SLC7A6: variants seen among roughly 807,000 people sequenced by gnomAD.
The protein encoded by SLC7A6 is solute carrier family 7 member 6.
A neutral mutation model predicts 46.6 loss-of-function variants in SLC7A6; 29 were observed. That is an observed-to-expected ratio of 0.62 (90% CI 0.46 to 0.85). The LOEUF is 0.85. Ranked by LOEUF, SLC7A6 falls within the 40% of genes least tolerant of loss-of-function variation. The pLI, the probability that SLC7A6 is intolerant of heterozygous loss-of-function variation, is 0.00. For missense variants in SLC7A6, 527 were observed against 647.6 expected, an observed-to-expected ratio of 0.81 and a Z score of 2.02; for synonymous variants, 276 against 257.3, an observed-to-expected ratio of 1.07 and a Z score of -0.70.
At chr16:68,268,772 G>A (rs779794723) in intron 2 of SLC7A6, among the ~76,000 whole-genome samples, 6 of 152,272 alleles carry the variant, frequency 3.9e-5, no homozygotes, top group East Asian at 1.9e-4. Context: ...TTGGGAAGCC[G>A]AGGCAGGCGG....
chr16:68,267,755 G>T (rs1272528896), intron 2 of SLC7A6, among the ~76,000 whole-genome samples: 1 of 152,174 alleles, frequency 6.6e-6, no homozygotes, highest in Non-Finnish European at 1.5e-5. Flanking sequence ...CTTCAGGATG[G>T]GGGCTGGTCA....
intron 2 of SLC7A6, among the ~76,000 whole-genome samples, chr16:68,274,386 T>A (rs1269968347): frequency 6.6e-6 from 1 of 152,226 alleles, no homozygotes; most frequent in Non-Finnish European, 1.5e-5. Context: ...AATCTATAAC[T>A]CAAGGAGAAT....
chr16:68,286,529 T>C (rs1567590300), intron 3 of SLC7A6, among the ~76,000 whole-genome samples: 1 of 151,974 alleles, frequency 6.6e-6, no homozygotes, highest in East Asian at 1.9e-4. Flanking sequence ...CCAAAAGATT[T>C]TGTAGTAAGA....
chr16:68,297,453 C>A lies in SLC7A6; in HGVS notation c.*125C>A, dbSNP rs1360233007. 4 of 730,114 alleles carry A rather than the reference C, an allele frequency of 5.5e-6. No individual in the cohort carries two copies. Among genetic ancestry groups the A allele is most frequent in the Non-Finnish European group, 8.9e-6 (4 of 446,988 alleles). 45.2% of individuals were successfully genotyped at this position (730,114 alleles called of 1,614,324 possible). A position where few individuals can be genotyped will look rare whatever the true frequency, so the allele number is the denominator to read the frequency against. On this transcript the variant is annotated 3_prime_UTR_variant, in exon 11 of 11. Coordinates refer to ENST00000219343, the MANE Select transcript of SLC7A6 (RefSeq NM_003983.6). ...TTTGACCCAATCATATAGTGGGGCT[C>A]AGGGCCAGTGCTCACTCTTATTGGT... is the stretch of plus-strand genomic sequence containing the variant.
chr16:68,300,930 AC>A lies in SLC7A6; in HGVS notation c.*3604del, dbSNP rs1468866060. On this transcript the variant is annotated 3_prime_UTR_variant, in exon 11 of 11. Coordinates refer to ENST00000219343, the MANE Select transcript of SLC7A6 (RefSeq NM_003983.6). ...GAAGCTTACTGCTAATGAAATGGGA[AC>A]CTCCCCCTCCCTTGTGGTTTCAGCA... is the stretch of plus-strand genomic sequence containing the variant. The A allele has an allele frequency of 2.0e-6, 2 of 999,968 alleles. No individual in the cohort carries two copies. The highest frequency in any genetic ancestry group is 3.5e-5 in the African/African-American group (2 of 57,722). The allele number at this position is 999,968 out of a possible 1,614,324, so 61.9% of individuals were successfully genotyped here. A position where few individuals can be genotyped will look rare whatever the true frequency, so the allele number is the denominator to read the frequency against.
chr16:68,277,316 T>TTTTATTTATTTATTTATTTATTTATTTA (rs71145991), intron 3 of SLC7A6, among the ~76,000 whole-genome samples: 30 of 135,956 alleles, frequency 2.2e-4, no homozygotes, highest in Admixed American at 7.4e-4. Context: ...AGAAGAGTAC[T>TTTTATTTATTTATTTATTTATTTATTTA]TTTATTTATT....
chr16:68,301,086 A>T lies in SLC7A6; in HGVS notation c.*3758A>T. On this transcript the variant is annotated 3_prime_UTR_variant, in exon 11 of 11. Coordinates refer to ENST00000219343, the MANE Select transcript of SLC7A6 (RefSeq NM_003983.6). ...GATTGAGGCAAAGGGGTCCTACTGT[A>T]AGTGGAAAAGACTCACTCCCCTAAC... 1 of 1,294,110 alleles carries T rather than the reference A, an allele frequency of 7.7e-7. No individual in the cohort carries two copies. The highest frequency in any genetic ancestry group is 9.8e-7 in the Non-Finnish European group (1 of 1,019,436). The allele number at this position is 1,294,110 out of a possible 1,614,324, so 80.2% of individuals were successfully genotyped here. A position where few individuals can be genotyped will look rare whatever the true frequency, so the allele number is the denominator to read the frequency against.
intron 8 of SLC7A6, among the ~76,000 whole-genome samples, chr16:68,295,729 C>T (rs1219954777): frequency 6.6e-6 from 1 of 152,208 alleles, no homozygotes; most frequent in Non-Finnish European, 1.5e-5. Context: ...AGGCCCTAAT[C>T]CTTGCCTTCT....
chr16:68,294,551 T>G, intron 7 of SLC7A6, 154 bp from the exon 8 acceptor site: 12 of 606,972 alleles, frequency 2.0e-5, no homozygotes, highest in South Asian at 4.0e-5. Context: ...AGCAGGGAGG[T>G]TGGACTGGTG....
rs1468936615 is a variant in SLC7A6 at position 68,299,034 on chromosome 16, G to A, written c.*1706G>A. 1 of 152,666 alleles carries A rather than the reference G, an allele frequency of 6.6e-6. No homozygotes were observed. The highest frequency in any genetic ancestry group is 6.5e-5 in the Admixed American group (1 of 15,280). The allele number at this position is 152,666 out of a possible 1,614,324, so 9.5% of individuals were successfully genotyped here. A position where few individuals can be genotyped will look rare whatever the true frequency, so the allele number is the denominator to read the frequency against. On this transcript the variant is annotated 3_prime_UTR_variant, in exon 11 of 11. Coordinates refer to ENST00000219343, the MANE Select transcript of SLC7A6 (RefSeq NM_003983.6). ...CATGGTCATAGTTGCCCTGGGTTCA[G>A]AGCATAATGCATATGTGAAGCATGG...
At chr16:68,291,779 G>A in intron 7 of SLC7A6, 118 bp downstream of exon 7, 1 of 706,458 alleles carries the variant, frequency 1.4e-6, no homozygotes, top group Non-Finnish European at 2.4e-6. Flanking sequence ...GTGTGTGTGT[G>A]TGTGTGTGTG....
chr16:68,300,614 C>A lies in SLC7A6; in HGVS notation c.*3286C>A. On this transcript the variant is annotated 3_prime_UTR_variant, in exon 11 of 11. Transcript: ENST00000219343. The stretch of plus-strand genomic sequence containing the variant: ...TAAAAGGTTTTCAAAGAATTACTTT[C>A]TTCCATGTTCAAAGCTAGATTTTAC... 1.0e-6 allele frequency: 1 copy of A among 985,158 alleles called. No homozygotes were observed. The highest frequency in any genetic ancestry group is 1.2e-6 in the Non-Finnish European group (1 of 829,654). The allele number at this position is 985,158 out of a possible 1,614,324, so 61.0% of individuals were successfully genotyped here. A position where few individuals can be genotyped will look rare whatever the true frequency, so the allele number is the denominator to read the frequency against.
intron 2 of SLC7A6, among the ~76,000 whole-genome samples, chr16:68,271,073 C>T (rs2042616443): frequency 6.6e-6 from 1 of 152,044 alleles, no homozygotes; most frequent in Admixed American, 6.6e-5. Flanking sequence ...TGGTCTCGGA[C>T]TCCTGGGCTC....
intron 2 of SLC7A6, among the ~76,000 whole-genome samples, chr16:68,272,363 A>C (rs2042637055): frequency 6.6e-6 from 1 of 152,168 alleles, no homozygotes; most frequent in Non-Finnish European, 1.5e-5. Context: ...TAGGAGTTGG[A>C]GGCTGCAGTG....
At chr16:68,269,207 A>G (rs1256205847) in intron 2 of SLC7A6, among the ~76,000 whole-genome samples, 1 of 152,136 alleles carries the variant, frequency 6.6e-6, no homozygotes, top group African/African-American at 2.4e-5. Flanking sequence ...AAACACAATT[A>G]TTTTAAATTC....
In SLC7A6 at chr16:68,290,472, T is replaced by C. The variant is rs1341427673; in HGVS notation, c.726T>C (p.Ser242=). 2 of 1,614,214 alleles carry C rather than the reference T, an allele frequency of 1.2e-6. No individual in the cohort carries two copies. Among genetic ancestry groups the C allele is most frequent in the East Asian group, 2.2e-5 (1 of 44,888 alleles). The change falls in exon 5 of 11, where the codon TCT becomes TCC. Residue 242 remains serine (S), a synonymous_variant. Transcript: ENST00000219343. The stretch of plus-strand genomic sequence containing the variant: ...GAAACCTCTCTCTTGCCCTCTACTC[T>C]GCCCTCTTCTCTTACTCAGGTTGGG... ...DMGNLSLALY[S]ALFSYSGWDT... is the part of the protein sequence containing the mutation.
chr16:68,266,883 A>G (rs2042542435), intron 2 of SLC7A6, among the ~76,000 whole-genome samples, 162 bp downstream of exon 2: 2 of 152,080 alleles, frequency 1.3e-5, no homozygotes. Context: ...TTATAAAAAT[A>G]AATTATACAT....
At chr16:68,277,132 G>A (rs534283349) in intron 3 of SLC7A6, among the ~76,000 whole-genome samples, 2 of 151,646 alleles carry the variant, frequency 1.3e-5, no homozygotes, top group African/African-American at 4.8e-5. Flanking sequence ...TGTCACCCAG[G>A]CTGGAGTACA....
chr16:68,287,415 T>C, intron 3 of SLC7A6: 1 of 1,312,136 alleles, frequency 7.6e-7, no homozygotes, highest in Non-Finnish European at 1.0e-6. Flanking sequence ...TTTGGAACCT[T>C]GGGAGTCTGG....
Sources: allele counts gnomAD v4.1 joint callset (sites outside exome capture counted in the v4.1 genomes callset), GRCh38; gene constraint gnomAD v4.1.1; transcripts MANE v1.5; gene names NCBI Gene and HGNC (gene_info 2026-07-23, HGNC 2026-07-21).